Variants in PCDH15 observed in about 807,000 individuals in gnomAD.
PCDH15 encodes the protein protocadherin-15.
PCDH15 carries 129 observed loss-of-function variants against 178.5 expected under a neutral mutation model. That is an observed-to-expected ratio of 0.72 (90% CI 0.63 to 0.84). The LOEUF (loss-of-function observed/expected upper bound fraction) is 0.84. Among genes scored for constraint, PCDH15 ranks in the 40% least tolerant of loss-of-function variants. The pLI is 0.00. For synonymous variants in PCDH15, 800 were observed against 732.0 expected (o/e 1.09, Z -1.50); for missense variants, 2,230 against 2,099.9 (o/e 1.06, Z -1.21).
At chr10:55,614,709 T>C (rs1843439762) in intron 2 of PCDH15, among the ~76,000 whole-genome samples, 2 of 152,172 alleles carry the variant, frequency 1.3e-5, no homozygotes, top group Non-Finnish European at 2.9e-5. Flanking sequence ...TGGTCACTAT[T>C]TGGGTATGAT....
chr10:54,575,566 T>C (rs6481105), intron 2 of PCDH15, among the ~76,000 whole-genome samples: 142,408 of 152,152 alleles, frequency 0.94, 66,920 homozygotes, highest in Non-Finnish European at 0.98. Context: ...TATATCAGAA[T>C]GATATCTAGA....
intron 2 of PCDH15, among the ~76,000 whole-genome samples, chr10:55,046,936 GA>G (rs1433521059): frequency 1.3e-5 from 2 of 151,806 alleles, no homozygotes; most frequent in Non-Finnish European, 2.9e-5. Flanking sequence ...AAAGCAAAAA[GA>G]AATGACTCTT....
chr10:54,639,863 A>G (rs1447720610), intron 2 of PCDH15, among the ~76,000 whole-genome samples: 1 of 152,168 alleles, frequency 6.6e-6, no homozygotes, highest in Non-Finnish European at 1.5e-5. Flanking sequence ...AACAAAAAAG[A>G]CTAATGAAAC....
intron 3 of PCDH15, among the ~76,000 whole-genome samples, chr10:54,436,206 A>C (rs1027088779): frequency 6.6e-6 from 1 of 152,024 alleles, no homozygotes; most frequent in Non-Finnish European, 1.5e-5. Flanking sequence ...AAAAGAAAGT[A>C]AGTCATAAAA....
rs1283035324 is a variant in PCDH15, at chr10:54,545,702, T to C, written c.92-17825A>G. 5.9e-5 allele frequency among the ~76,000 whole-genome samples: 9 copies of C among 152,306 alleles called. No homozygotes were observed. The East Asian group carries it at 1.7e-3, about 29-fold the overall frequency. On this transcript the variant is annotated intron_variant, in intron 2 of 37. Coordinates refer to ENST00000644397, the MANE Select transcript of PCDH15 (RefSeq NM_001384140.1). ...ATAGAGATAATTAAAGAAGTATATA[T>C]TGCTGCTAAAAGTACTTATAATAGT...
intron 15 of PCDH15, among the ~76,000 whole-genome samples, chr10:54,122,077 C>A (rs534482758): frequency 6.7e-5 from 10 of 149,546 alleles, no homozygotes; most frequent in Non-Finnish European, 1.5e-4. Flanking sequence ...CTGGCCCATG[C>A]CTCTGAAGAA....
At chr10:54,222,019 ATT>A (rs2052882469) in intron 9 of PCDH15, among the ~76,000 whole-genome samples, 1 of 152,146 alleles carries the variant, frequency 6.6e-6, no homozygotes, top group Non-Finnish European at 1.5e-5. Context: ...CCTAGGTGTT[ATT>A]CTATTGTATG....
chr10:55,369,958 GA>G (rs1036003424), intron 2 of PCDH15, among the ~76,000 whole-genome samples: 6 of 151,442 alleles, frequency 4.0e-5, no homozygotes, highest in Admixed American at 6.6e-5. Context: ...GCAATAGCTT[GA>G]AAAAAAATCA....
At chr10:54,514,667 C>CA (rs5785078) in intron 3 of PCDH15, among the ~76,000 whole-genome samples, 1,322 of 124,334 alleles carry the variant, frequency 0.011, 5 homozygotes, top group Non-Finnish European at 0.016. Context: ...AAATAGACTT[C>CA]AAAAAAAAAA....
intron 2 of PCDH15, among the ~76,000 whole-genome samples, chr10:55,385,730 TAC>T (rs1267624940): frequency 2.8e-4 from 41 of 146,204 alleles, no homozygotes; most frequent in Admixed American, 6.2e-4. Context: ...CATATATATA[TAC>T]ACGTATATAG....
intron 2 of PCDH15, among the ~76,000 whole-genome samples, chr10:54,563,633 T>G (rs1250052791): frequency 6.6e-6 from 1 of 152,114 alleles, no homozygotes; most frequent in Non-Finnish European, 1.5e-5. Flanking sequence ...ATTACATCAG[T>G]GGAATGTAGC....
At chr10:54,075,595 C>T (rs1438036349) in intron 17 of PCDH15, among the ~76,000 whole-genome samples, 1 of 152,104 alleles carries the variant, frequency 6.6e-6, no homozygotes, top group Admixed American at 6.5e-5. Context: ...TGAAATGATG[C>T]TTTTGCCCTA....
intron 1 of PCDH15, among the ~76,000 whole-genome samples, chr10:54,666,341 T>A (rs56269938): frequency 3.9e-5 from 6 of 151,922 alleles, no homozygotes; most frequent in Non-Finnish European, 7.4e-5. Flanking sequence ...GGTTATAAAC[T>A]GGTGAGTGTC....
intron 2 of PCDH15, among the ~76,000 whole-genome samples, chr10:55,077,909 C>A (rs1218987960): frequency 1.3e-5 from 2 of 152,074 alleles, no homozygotes; most frequent in Non-Finnish European, 2.9e-5. Flanking sequence ...CATTACTTTG[C>A]GAGTGAGTTT....
At chr10:53,989,587 G>A (rs1212996363) in intron 21 of PCDH15, among the ~76,000 whole-genome samples, 1 of 152,042 alleles carries the variant, frequency 6.6e-6, no homozygotes, top group Non-Finnish European at 1.5e-5. Flanking sequence ...AGTCAGGCTG[G>A]GACTATAGCA....
At chr10:54,827,803 A>G (rs2133747756) in intron 3 of PCDH15, among the ~76,000 whole-genome samples, 1 of 152,246 alleles carries the variant, frequency 6.6e-6, no homozygotes, top group East Asian at 1.9e-4. Context: ...ATGCCCAACA[A>G]TGTATAAGAA....
chr10:55,414,532 T>A (rs1032901949), intron 2 of PCDH15, among the ~76,000 whole-genome samples: 2 of 151,698 alleles, frequency 1.3e-5, no homozygotes, highest in Non-Finnish European at 3.0e-5. Flanking sequence ...ACGTTTTTAC[T>A]TATTTATGTA....
intron 7 of PCDH15, among the ~76,000 whole-genome samples, chr10:54,318,683 A>G (rs1332863507): frequency 2.6e-5 from 4 of 152,134 alleles, no homozygotes; most frequent in Non-Finnish European, 5.9e-5. Flanking sequence ...GACAATTTTG[A>G]GCACTGGATA....
chr10:54,323,952 G>A (rs2061771955), intron 7 of PCDH15, among the ~76,000 whole-genome samples: 2 of 152,066 alleles, frequency 1.3e-5, no homozygotes, highest in African/African-American at 4.8e-5. Flanking sequence ...CAAACCAGTA[G>A]ACAGAATTAT....
Sources: allele counts gnomAD v4.1 joint callset (sites outside exome capture counted in the v4.1 genomes callset), GRCh38; gene constraint gnomAD v4.1.1; transcripts MANE v1.5; gene names NCBI Gene and HGNC (gene_info 2026-07-23, HGNC 2026-07-21).